The following GRID1 variants were observed in gnomAD, a reference collection of about 807,000 sequenced individuals.
GRID1 encodes the protein glutamate receptor ionotropic, delta-1.
A neutral mutation model predicts 98.0 loss-of-function variants in GRID1; 28 were observed. The observed-to-expected ratio is 0.29, with a 90% CI of 0.21 to 0.39. The LOEUF is 0.39. Ranked by LOEUF, GRID1 falls within the 10% of genes least tolerant of loss-of-function variation. GRID1 has a pLI of 1.00. For missense variants in GRID1, 1,111 were observed against 1,340.5 expected (o/e 0.83, Z 2.67); for synonymous variants, 553 against 538.5 (o/e 1.03, Z -0.37).
At chr10:85,917,421 T>C (rs1564626237) in intron 4 of GRID1, among the ~76,000 whole-genome samples, 1 of 152,252 alleles carries the variant, frequency 6.6e-6, no homozygotes, top group African/African-American at 2.4e-5. Context: ...TAAATGTTGT[T>C]TGAGGTGTCA....
intron 8 of GRID1, among the ~76,000 whole-genome samples, chr10:85,738,674 A>G (rs1342607069): frequency 6.6e-6 from 1 of 152,226 alleles, no homozygotes; most frequent in Admixed American, 6.5e-5. Context: ...ATAAAAAGCA[A>G]CAAGCAACTG....
intron 13 of GRID1, among the ~76,000 whole-genome samples, chr10:85,639,986 C>T (rs138661123): frequency 6.1e-4 from 93 of 152,250 alleles, no homozygotes; most frequent in African/African-American, 2.2e-3. Flanking sequence ...TGCTTTAGAC[C>T]CTATACATTG....
intron 2 of GRID1, among the ~76,000 whole-genome samples, chr10:86,259,617 A>C (rs1846981195): frequency 6.6e-6 from 1 of 152,262 alleles, no homozygotes; most frequent in Admixed American, 6.5e-5. Flanking sequence ...TTTCAAATTC[A>C]ATCAAGTGCA....
At chr10:86,298,000 G>A (rs184318305) in intron 2 of GRID1, among the ~76,000 whole-genome samples, 19 of 152,136 alleles carry the variant, frequency 1.2e-4, no homozygotes, top group South Asian at 4.1e-4. Context: ...GCAATTTGGC[G>A]TTACCATTGC....
chr10:85,667,823 T>C (rs552765170), intron 12 of GRID1, among the ~76,000 whole-genome samples: 41 of 152,276 alleles, frequency 2.7e-4, no homozygotes, highest in African/African-American at 9.6e-4. Flanking sequence ...ACTGGTCTAG[T>C]AGTATTCTGT....
intron 8 of GRID1, among the ~76,000 whole-genome samples, chr10:85,835,652 G>A (rs1842905884): frequency 6.6e-6 from 1 of 152,188 alleles, no homozygotes; most frequent in Non-Finnish European, 1.5e-5. Context: ...TTAGCAGTGT[G>A]AGAACAGACT....
chr10:85,922,375 C>T (rs1276799410), intron 4 of GRID1, among the ~76,000 whole-genome samples: 1 of 152,210 alleles, frequency 6.6e-6, no homozygotes, highest in Non-Finnish European at 1.5e-5. Flanking sequence ...ACATGGAAGC[C>T]TTCCAAACAC....
At chr10:86,165,395 T>C (rs1845384160) in intron 3 of GRID1, among the ~76,000 whole-genome samples, 1 of 152,074 alleles carries the variant, frequency 6.6e-6, no homozygotes, top group Non-Finnish European at 1.5e-5. Context: ...CCAGGCCCAG[T>C]CTAGACCAAG....
Position 86,365,073 on chromosome 10 carries a change from C to A in GRID1, c.80-977G>T, listed in dbSNP as rs1490649836. On this transcript the variant is annotated intron_variant, in intron 1 of 15. Coordinates refer to ENST00000327946, the MANE Select transcript of GRID1 (RefSeq NM_017551.3). The surrounding 1 kb of genome is among the most constrained non-coding windows in gnomAD (Gnocchi z 4.8). ...GCCCAGTGATCCCTCGAGCTGGGGG[C>A]TGGGTAGGAGGAGGGAGGCCCGGAT... Among the ~76,000 whole-genome samples, 1 of 152,128 alleles carries A rather than the reference C, an allele frequency of 6.6e-6. No individual in the cohort carries two copies. The highest frequency in any genetic ancestry group is 2.4e-5 in the African/African-American group (1 of 41,430).
chr10:86,170,232 T>C (rs1265227986), intron 3 of GRID1, among the ~76,000 whole-genome samples: 1 of 152,148 alleles, frequency 6.6e-6, no homozygotes, highest in Admixed American at 6.5e-5. Flanking sequence ...TCCCAGAGCA[T>C]CTGGGGGTGT....
intron 2 of GRID1, among the ~76,000 whole-genome samples, chr10:86,254,186 G>T (rs182197370): frequency 6.6e-6 from 1 of 152,082 alleles, no homozygotes; most frequent in African/African-American, 2.4e-5. Context: ...ACCTGTGACA[G>T]TCAGCCTCCT....
chr10:86,283,985 C>T (rs2132069962), intron 2 of GRID1, among the ~76,000 whole-genome samples: 1 of 151,820 alleles, frequency 6.6e-6, no homozygotes, highest in African/African-American at 2.4e-5. Context: ...CCCTCTCACA[C>T]ACACCAGCCC....
At chr10:85,898,111 T>C (rs1312272186) in intron 5 of GRID1, among the ~76,000 whole-genome samples, 1 of 152,232 alleles carries the variant, frequency 6.6e-6, no homozygotes, top group African/African-American at 2.4e-5. Flanking sequence ...CCTACTGTTC[T>C]TAGGCTACAA....
intron 12 of GRID1, among the ~76,000 whole-genome samples, chr10:85,698,158 A>T (rs530070422): frequency 9.8e-5 from 15 of 152,318 alleles, no homozygotes; most frequent in Admixed American, 9.1e-4. Context: ...TTGTGCTGTC[A>T]AAAAACCAAG....
At chr10:85,877,794 A>G (rs1190003304) in intron 5 of GRID1, among the ~76,000 whole-genome samples, 1 of 152,250 alleles carries the variant, frequency 6.6e-6, no homozygotes, top group Non-Finnish European at 1.5e-5. Context: ...GAGTTGAGAG[A>G]AGAAGGCTTC....
At chr10:85,674,751 T>A (rs974417402) in intron 12 of GRID1, among the ~76,000 whole-genome samples, 9 of 151,592 alleles carry the variant, frequency 5.9e-5, no homozygotes. Context: ...AATCCATCCA[T>A]AGCAGAGTCA....
chr10:86,175,014 A>G (rs1421300233), intron 3 of GRID1, among the ~76,000 whole-genome samples: 1 of 152,198 alleles, frequency 6.6e-6, no homozygotes, highest in Non-Finnish European at 1.5e-5. Context: ...GAGGATGTGG[A>G]GAAATAGGAA....
intron 13 of GRID1, among the ~76,000 whole-genome samples, chr10:85,643,504 C>T (rs954265124): frequency 6.6e-6 from 1 of 152,122 alleles, no homozygotes; most frequent in Non-Finnish European, 1.5e-5. Flanking sequence ...AGCAGAGGGG[C>T]CGCTCCATAG....
chr10:86,111,054 A>C (rs1844473898), intron 4 of GRID1, among the ~76,000 whole-genome samples: 1 of 152,250 alleles, frequency 6.6e-6, no homozygotes, highest in Non-Finnish European at 1.5e-5. Flanking sequence ...GCTTGGGCAG[A>C]TCTGCTCCTC....
Sources: gnomAD v4.1 joint callset for allele counts (sites outside exome capture counted in the v4.1 genomes callset) on GRCh38, gnomAD v4.1.1 for gene constraint, Gnocchi (gnomAD v3.1) non-coding constraint, MANE v1.5 for transcripts, NCBI Gene and HGNC (gene_info 2026-07-23, HGNC 2026-07-21) for gene names.